The following EPB41L3 variants were observed in gnomAD, a reference collection of about 807,000 sequenced individuals.
The protein encoded by EPB41L3 is erythrocyte membrane protein band 4.1 like 3.
Under a neutral mutation model 127.1 loss-of-function variants are expected in EPB41L3, and 57 were observed. The ratio of observed to expected loss-of-function variants is 0.45; its 90% CI spans 0.36 to 0.56. The LOEUF is 0.56. Ranked by LOEUF, EPB41L3 falls within the 20% of genes least tolerant of loss-of-function variation. The pLI is 0.00. For synonymous variants in EPB41L3, 572 were observed against 549.5 expected (o/e 1.04, Z -0.57); for missense variants, 1,273 against 1,372.2 (o/e 0.93, Z 1.14).
chr18:5,581,046 T>C (rs991661865), intron 3 of EPB41L3, among the ~76,000 whole-genome samples: 1 of 152,172 alleles, frequency 6.6e-6, no homozygotes, highest in Non-Finnish European at 1.5e-5. Flanking sequence ...CCACACAAAG[T>C]GAATTTGGAG....
intron 3 of EPB41L3, among the ~76,000 whole-genome samples, chr18:5,604,578 C>T (rs1014957207): frequency 5.3e-5 from 8 of 152,046 alleles, no homozygotes; most frequent in Non-Finnish European, 7.4e-5. Context: ...CTCAGCCACC[C>T]GAGTAGCTGG....
chr18:5,628,677 A>G (rs1225618587), intron 1 of EPB41L3, among the ~76,000 whole-genome samples: 1 of 152,220 alleles, frequency 6.6e-6, no homozygotes, highest in Non-Finnish European at 1.5e-5. Context: ...TCACTTCTGC[A>G]GAGGGAAAGC....
At chr18:5,500,274 A>G (rs553210776) in intron 1 of EPB41L3, among the ~76,000 whole-genome samples, 5 of 152,344 alleles carry the variant, frequency 3.3e-5, no homozygotes, top group African/African-American at 1.2e-4. Flanking sequence ...AGAAGAACTT[A>G]TTAGCAAAAA....
intron 2 of EPB41L3, among the ~76,000 whole-genome samples, chr18:5,480,284 A>G (rs1397958318): frequency 1.3e-5 from 2 of 152,188 alleles, no homozygotes; most frequent in Non-Finnish European, 2.9e-5. Context: ...TTTTTAAAAA[A>G]ACTTTAAGAA....
intron 2 of EPB41L3, among the ~76,000 whole-genome samples, chr18:5,478,861 CTACATA>C (rs964038723): frequency 1.3e-5 from 2 of 152,186 alleles, no homozygotes; most frequent in African/African-American, 4.8e-5. Context: ...TGCCTCATCC[CTACATA>C]TACAAGATAT....
chr18:5,448,640 T>C (rs988124461), intron 3 of EPB41L3, among the ~76,000 whole-genome samples: 4 of 152,196 alleles, frequency 2.6e-5, no homozygotes, highest in African/African-American at 9.6e-5. Context: ...TCTAAACTAA[T>C]GAATAATTAC....
At chr18:5,574,850 T>A (rs138436759) in intron 3 of EPB41L3, among the ~76,000 whole-genome samples, 1 of 152,326 alleles carries the variant, frequency 6.6e-6, no homozygotes, top group East Asian at 1.9e-4. Flanking sequence ...TGGTATCATT[T>A]CCCTGTAATA....
At chr18:5,467,029 G>C (rs912981243) in intron 3 of EPB41L3, among the ~76,000 whole-genome samples, 2 of 152,148 alleles carry the variant, frequency 1.3e-5, no homozygotes, top group African/African-American at 4.8e-5. Flanking sequence ...ATCACTAGAT[G>C]GTGCAACTTG....
chr18:5,487,636 C>T (rs991032974), intron 2 of EPB41L3, among the ~76,000 whole-genome samples: 15 of 151,366 alleles, frequency 9.9e-5, no homozygotes, highest in Admixed American at 3.3e-4. Context: ...GGATTACAGA[C>T]GTGCACCACC....
chr18:5,577,373 G>C (rs1032615196), intron 3 of EPB41L3: 1 of 453,522 alleles, frequency 2.2e-6, no homozygotes, highest in Non-Finnish European at 4.4e-6. Context: ...AGAGACAGAT[G>C]AAAGATGGCA....
intron 16 of EPB41L3, chr18:5,401,081 G>A (rs918226756): frequency 7.2e-7 from 1 of 1,381,318 alleles, no homozygotes; most frequent in African/African-American, 1.4e-5. Context: ...AGAAGAGGAA[G>A]TAGACAGTTT....
At chr18:5,544,205 C>T, upstream of EPB41L3, 1 of 985,574 alleles carries the variant, frequency 1.0e-6, no homozygotes. Flanking sequence ...GGCACAGCCT[C>T]CTCCGTCCTG....
intron 9 of EPB41L3, among the ~76,000 whole-genome samples, chr18:5,425,594 C>T (rs1446952650): frequency 6.6e-6 from 1 of 152,132 alleles, no homozygotes; most frequent in African/African-American, 2.4e-5. Flanking sequence ...CCTAGACTAC[C>T]TGAATAGGTA....
chr18:5,423,146 C>T (rs755143477), intron 11 of EPB41L3, among the ~76,000 whole-genome samples: 19 of 152,064 alleles, frequency 1.2e-4, no homozygotes, highest in Non-Finnish European at 2.5e-4. Context: ...TTCTTCATTC[C>T]CGAAGTGCCA....
At position 5,611,621 on chromosome 18, in the gene EPB41L3, G is replaced by A. The variant is rs548164111; in HGVS notation, c.-306+719C>T. 5.9e-5 allele frequency among the ~76,000 whole-genome samples: 9 copies of A among 152,244 alleles called. No individual in the cohort carries two copies. In the South Asian group the frequency reaches 1.9e-3, roughly 32 times the overall value. On this transcript the variant is annotated intron_variant, in intron 3 of 21. Transcript: ENST00000545076. Reference sequence around the variant, plus strand: ...ATGCATACCAAGAAAAGCTTCATTAGAGAGTAGCACAATAAATAAAATTTG... The same window carrying A: ...ATGCATACCAAGAAAAGCTTCATTAAAGAGTAGCACAATAAATAAAATTTG...
chr18:5,506,177 C>T (rs976156280), intron 1 of EPB41L3, among the ~76,000 whole-genome samples: 1 of 152,112 alleles, frequency 6.6e-6, no homozygotes, highest in Admixed American at 6.5e-5. Flanking sequence ...CCTACCTCTG[C>T]ACTCTCTGTA....
intron 3 of EPB41L3, among the ~76,000 whole-genome samples, chr18:5,559,399 A>G (rs1232592869): frequency 6.6e-6 from 1 of 152,190 alleles, no homozygotes; most frequent in Non-Finnish European, 1.5e-5. Flanking sequence ...GAAATCTTAC[A>G]CTGGAGCTGT....
At chr18:5,509,241 G>A (rs1008235147) in intron 1 of EPB41L3, among the ~76,000 whole-genome samples, 1 of 152,158 alleles carries the variant, frequency 6.6e-6, no homozygotes, top group Non-Finnish European at 1.5e-5. Flanking sequence ...GAGGGCTCAG[G>A]ACCTCACCTG....
At chr18:5,490,665 A>G (rs1391092006) in intron 1 of EPB41L3, among the ~76,000 whole-genome samples, 9 of 152,218 alleles carry the variant, frequency 5.9e-5, no homozygotes, top group Non-Finnish European at 1.2e-4. Context: ...TTTTCCTGTT[A>G]TAATACATTT....
Sources: gnomAD v4.1 joint callset for allele counts (sites outside exome capture counted in the v4.1 genomes callset) on GRCh38, gnomAD v4.1.1 for gene constraint, MANE v1.5 for transcripts, NCBI Gene and HGNC (gene_info 2026-07-23, HGNC 2026-07-21) for gene names.